Variants in STARD6 observed in about 807,000 individuals in gnomAD.
STARD6 encodes the protein StAR related lipid transfer domain containing 6, also known as stAR-related lipid transfer protein 6.
A neutral mutation model predicts 22.3 loss-of-function variants in STARD6; 21 were observed. The observed-to-expected ratio is 0.94, with a 90% CI of 0.67 to 1.35. The LOEUF is 1.35. Among genes scored for constraint, STARD6 ranks in the 40% most tolerant of loss-of-function variants. The pLI, the probability that STARD6 is intolerant of heterozygous loss-of-function variation, is 0.00. For missense variants in STARD6, 269 were observed against 266.9 expected (o/e 1.01, Z -0.05); for synonymous variants, 80 against 88.1 (o/e 0.91, Z 0.52).
intron 6 of STARD6, among the ~76,000 whole-genome samples, chr18:54,329,942 T>C (rs1322935314): frequency 6.6e-6 from 1 of 151,894 alleles, no homozygotes; most frequent in Non-Finnish European, 1.5e-5. Context: ...TTTAAAATGC[T>C]TCCTTCTGCA....
chr18:54,354,909 G>GT (rs1354133956), intron 2 of STARD6, among the ~76,000 whole-genome samples: 1 of 152,168 alleles, frequency 6.6e-6, no homozygotes, highest in African/African-American at 2.4e-5. Flanking sequence ...TAGAATTAGC[G>GT]TGAGGATTAG....
At chr18:54,347,313 CT>C (rs1405466348) in intron 4 of STARD6, among the ~76,000 whole-genome samples, 1 of 151,998 alleles carries the variant, frequency 6.6e-6, no homozygotes, top group Non-Finnish European at 1.5e-5. Context: ...GTTATCATAT[CT>C]TTTATTCTCA....
chr18:54,352,176 G>A (rs2144696784), intron 4 of STARD6, among the ~76,000 whole-genome samples: 1 of 151,046 alleles, frequency 6.6e-6, no homozygotes, highest in Middle Eastern at 3.4e-3. Flanking sequence ...AATCTAGGAG[G>A]GTTGTATTTT....
At position 54,324,801 on chromosome 18, in the gene STARD6, T is replaced by C; in HGVS notation, c.554A>G (p.Glu185Gly). Reference protein sequence around the residue: ...MRGKLSPSIIEKTMPSNLVNF... With the variant: ...MRGKLSPSIIGKTMPSNLVNF... ...TACTAAGTTGGAAGGCATGGTTTTT[T>C]CAATTATTGATGGGGACAATTTTCC... is the stretch of plus-strand genomic sequence containing the variant. The change falls in exon 8 of 8, where the codon GAA becomes GGA. Residue 185 changes from glutamate to glycine, a missense_variant. By Grantham distance (98) the Glu-to-Gly change is moderately conservative (BLOSUM62 -2). Coordinates refer to ENST00000307844, the MANE Select transcript of STARD6 (RefSeq NM_139171.2). The C allele has an allele frequency of 3.1e-6, 5 of 1,607,526 alleles. No individual in the cohort carries two copies. The highest frequency in any genetic ancestry group is 4.2e-6 in the Non-Finnish European group (5 of 1,177,622).
chr18:54,355,602 C>G (rs1414716438), intron 2 of STARD6, among the ~76,000 whole-genome samples: 1 of 152,150 alleles, frequency 6.6e-6, no homozygotes, highest in Non-Finnish European at 1.5e-5. Flanking sequence ...CAGAACCTAA[C>G]CATGCTGGCA....
At chr18:54,349,546 T>C (rs2089074038) in intron 4 of STARD6, among the ~76,000 whole-genome samples, 1 of 152,166 alleles carries the variant, frequency 6.6e-6, no homozygotes. Context: ...CAGGTGGTTT[T>C]TGGCTACATG....
intron 4 of STARD6, among the ~76,000 whole-genome samples, chr18:54,347,760 TC>T: frequency 6.6e-6 from 1 of 152,068 alleles, no homozygotes; most frequent in Non-Finnish European, 1.5e-5. Context: ...CCAGGATGAA[TC>T]CTGAGCTGTT....
Position 54,357,833 on chromosome 18 carries a change from T to G in STARD6, c.-130A>C, listed in dbSNP as rs1481715577. Reference sequence around the variant, plus strand: ...CGACCTAACGCTCAACAGCATCCTCTCTTCTCCGGCCGCTCCCTCATCTCC... The same window carrying G: ...CGACCTAACGCTCAACAGCATCCTCGCTTCTCCGGCCGCTCCCTCATCTCC... On this transcript the variant is annotated 5_prime_UTR_variant, in exon 1 of 8. Transcript: ENST00000307844. 6.6e-6 allele frequency: 1 copy of G among 152,462 alleles called. No homozygotes were observed. The highest frequency in any genetic ancestry group is 1.9e-4 in the East Asian group (1 of 5,186). The allele number at this position is 152,462 out of a possible 1,614,324, so 9.4% of individuals were successfully genotyped here.
chr18:54,324,597 T>A lies in STARD6; in HGVS notation c.*95A>T. The stretch of plus-strand genomic sequence containing the variant: ...TACAAGAATACTGTCTAGAATAGTT[T>A]AACAGTATTATTTATGTGCGTTGAC... On this transcript the variant is annotated 3_prime_UTR_variant, in exon 8 of 8. Transcript: ENST00000307844. The A allele has an allele frequency of 8.3e-7, 1 of 1,203,476 alleles. No homozygotes were observed. The highest frequency in any genetic ancestry group is 2.1e-5 in the Admixed American group (1 of 47,216). The allele number at this position is 1,203,476 out of a possible 1,614,324, so 74.5% of individuals were successfully genotyped here.
At chr18:54,356,792 G>T (rs1020075473) in intron 1 of STARD6, among the ~76,000 whole-genome samples, 2 of 152,160 alleles carry the variant, frequency 1.3e-5, no homozygotes, top group Non-Finnish European at 2.9e-5. Flanking sequence ...ATAAAACACC[G>T]TTCTTGATTT....
At chr18:54,348,062 T>C (rs1389791820) in intron 4 of STARD6, among the ~76,000 whole-genome samples, 2 of 152,134 alleles carry the variant, frequency 1.3e-5, no homozygotes, top group African/African-American at 2.4e-5. Flanking sequence ...TCTGCTGCCA[T>C]GTAAGAATGA....
chr18:54,351,375 T>C (rs979017515), intron 4 of STARD6, among the ~76,000 whole-genome samples: 2 of 152,142 alleles, frequency 1.3e-5, no homozygotes, highest in African/African-American at 4.8e-5. Context: ...TTTGGATGAG[T>C]CATTAGGGTT....
At chr18:54,346,748 TACA>T (rs1568172924) in intron 4 of STARD6, among the ~76,000 whole-genome samples, 2 of 152,064 alleles carry the variant, frequency 1.3e-5, no homozygotes, top group African/African-American at 4.8e-5. Flanking sequence ...TGACACAAGC[TACA>T]ACATGGGTAA....
chr18:54,339,286 T>C (rs1599302493), intron 4 of STARD6, among the ~76,000 whole-genome samples: 1 of 150,396 alleles, frequency 6.6e-6, no homozygotes, highest in African/African-American at 2.4e-5. Context: ...CAAGAAAGGA[T>C]AGAGAAAAAG....
chr18:54,337,202 A>G lies in STARD6; in HGVS notation c.190T>C (p.Phe64Leu), dbSNP rs1248870469. The part of the protein sequence containing the change: ...IPESPAKLSD[F>L]LYQTGDRITW... ...ATTCTGTCTCCAGTTTGGTAGAGGA[A>G]ATCAGATAGTTTAGCTGGTGATTCT... Residue 64 changes from phenylalanine (F) to leucine (L), a missense_variant, in exon 5 of 8, where the codon TTC (phenylalanine) becomes CTC (leucine). Transcript: ENST00000307844. 1 of 1,613,364 alleles carries G rather than the reference A, an allele frequency of 6.2e-7. No individual in the cohort carries two copies. The highest frequency in any genetic ancestry group is 8.5e-7 in the Non-Finnish European group (1 of 1,179,630).
Position 54,326,246 on chromosome 18 carries a change from G to A in STARD6, c.480-1371C>T, listed in dbSNP as rs558587294. 5.3e-3 allele frequency among the ~76,000 whole-genome samples: 791 copies of A among 148,782 alleles called. 3 individuals are homozygous for A. Among genetic ancestry groups the A allele is most frequent in the Non-Finnish European group, 8.6e-3 (578 of 67,324 alleles). ...GAAAATCTGATTAGTGGCTAGTTGA[G>A]AAAAAATTCTTTTCCAAGTCATGCC... On this transcript the variant is annotated intron_variant, in intron 7 of 7. Transcript: ENST00000307844.
At position 54,350,842 on chromosome 18, in the gene STARD6, G is replaced by A. The variant is rs535163119; in HGVS notation, c.140+3212C>T. On this transcript the variant is annotated intron_variant, in intron 4 of 7. Coordinates refer to ENST00000307844, the MANE Select transcript of STARD6 (RefSeq NM_139171.2). Reference sequence around the variant, plus strand: ...TCTCTATTCTGTTCCATTGATCTACGTGCCTGTTTTTATACTAGTCCCATG... The same window carrying A: ...TCTCTATTCTGTTCCATTGATCTACATGCCTGTTTTTATACTAGTCCCATG... 7.9e-5 allele frequency among the ~76,000 whole-genome samples: 12 copies of A among 152,146 alleles called. No homozygotes were observed. In the South Asian group the frequency reaches 2.1e-3, roughly 26 times the overall value.
rs372967457 is a variant in STARD6, at chr18:54,354,619, T to C, written c.-4-42A>G. The C allele has an allele frequency of 3.9e-5, 53 of 1,370,090 alleles. No individual in the cohort carries two copies. In the South Asian group the frequency reaches 5.7e-4, roughly 15 times the overall value. 84.9% of individuals were successfully genotyped at this position (1,370,090 alleles called of 1,614,324 possible). ...CAAACAACTGGTAAGAATATAACCA[T>C]ATAAAAACTTAAAAAGTGCTATCTT... On this transcript the variant is annotated intron_variant, in intron 2 of 7. Transcript: ENST00000307844.
chr18:54,330,918 C>T (rs905437569), intron 6 of STARD6, among the ~76,000 whole-genome samples: 2 of 152,062 alleles, frequency 1.3e-5, no homozygotes, highest in Middle Eastern at 3.4e-3. Flanking sequence ...ACATTATGAA[C>T]ATCAGCCCTT....
Sources: allele counts gnomAD v4.1 joint callset (sites outside exome capture counted in the v4.1 genomes callset), GRCh38; gene constraint gnomAD v4.1.1; transcripts MANE v1.5; gene names NCBI Gene and HGNC (gene_info 2026-07-23, HGNC 2026-07-21).